Variants in POGZ observed in about 807,000 individuals in gnomAD.
POGZ encodes the protein pogo transposable element derived with ZNF domain.
Under a neutral mutation model 134.6 loss-of-function variants are expected in POGZ, and 17 were observed. The ratio of observed to expected loss-of-function variants is 0.13; its 90% confidence interval spans 0.09 to 0.19. The LOEUF is 0.19. Ranked by LOEUF, POGZ falls within the 10% of genes least tolerant of loss-of-function variation. POGZ has a pLI of 1.00. For missense variants in POGZ, 1,306 were observed against 1,769.7 expected (o/e 0.74, Z 4.70); for synonymous variants, 693 against 657.1 (o/e 1.05, Z -0.84).
At chr1:151,431,161 A>G (rs1263246111) in intron 3 of POGZ, among the ~76,000 whole-genome samples, 1 of 152,148 alleles carries the variant, frequency 6.6e-6, no homozygotes, top group East Asian at 1.9e-4. Flanking sequence ...CAAACTCACC[A>G]AAAATTTAAG....
chr1:151,433,721 A>G (rs12062127), intron 3 of POGZ, among the ~76,000 whole-genome samples: 3,150 of 152,234 alleles, frequency 0.021, 102 homozygotes, highest in African/African-American at 0.072. Context: ...CAGACTATGG[A>G]AAGTCATACT....
intron 3 of POGZ, among the ~76,000 whole-genome samples, chr1:151,435,958 CTTT>C (rs58367755): frequency 3.0e-5 from 4 of 134,804 alleles, no homozygotes; most frequent in Admixed American, 7.7e-5. Context: ...ATTTTCTTTT[CTTT>C]TTTTTTTTTT....
At chr1:151,423,883 A>C in intron 9 of POGZ, 66 bp downstream of exon 9, 1 of 1,290,388 alleles carries the variant, frequency 7.7e-7, no homozygotes, top group Non-Finnish European at 1.1e-6. Flanking sequence ...AGAAAGACTT[A>C]AAATATATAA....
intron 1 of POGZ, among the ~76,000 whole-genome samples, chr1:151,449,337 A>C (rs1351230483): frequency 6.6e-6 from 1 of 152,170 alleles, no homozygotes; most frequent in African/African-American, 2.4e-5. Context: ...GGCATTTGGC[A>C]ATGTCTAGAG....
At chr1:151,435,810 A>G (rs1352770363) in intron 3 of POGZ, among the ~76,000 whole-genome samples, 3 of 152,074 alleles carry the variant, frequency 2.0e-5, no homozygotes, top group South Asian at 4.2e-4. Context: ...CTTTCTTAAA[A>G]ACAAAACACA....
intron 10 of POGZ, among the ~76,000 whole-genome samples, chr1:151,423,026 A>G (rs1657201301): frequency 6.6e-6 from 1 of 152,364 alleles, no homozygotes; most frequent in East Asian, 1.9e-4. Context: ...GTACTTCACA[A>G]TATTATCTTT....
At chr1:151,448,047 T>C (rs1289211379) in intron 1 of POGZ, among the ~76,000 whole-genome samples, 1 of 152,168 alleles carries the variant, frequency 6.6e-6, no homozygotes, top group Non-Finnish European at 1.5e-5. Context: ...GCTAGGGTCC[T>C]TCTTGCTCAT....
At chr1:151,455,282 G>C (rs1275851981) in intron 1 of POGZ, 1 of 152,162 alleles carries the variant, frequency 6.6e-6, no homozygotes, top group South Asian at 2.1e-4. Flanking sequence ...CAAAACAGTG[G>C]TTTAGAGAGA....
At position 151,408,756 on chromosome 1, in the gene POGZ, G is replaced by C; in HGVS notation, c.1999C>G (p.Leu667Val). Residue 667 changes from leucine (L) to valine (V), a missense_variant, in exon 13 of 19, where the codon CTT becomes GTT. Physicochemically the swap from Leu to Val is conservative, Grantham distance 32. Coordinates refer to ENST00000271715, the MANE Select transcript of POGZ (RefSeq NM_015100.4). ...LFAKDKIEHK[L>V]QHHKTFRKPK... is the part of the protein sequence containing the mutation. Reference sequence around the variant, plus strand: ...TTACGGAAGGTTTTATGGTGTTGAAGCTTGTGTTCAATTTTGTCCTTGGCA... The same window carrying C: ...TTACGGAAGGTTTTATGGTGTTGAACCTTGTGTTCAATTTTGTCCTTGGCA... The C allele has an allele frequency of 6.2e-7, 1 of 1,613,890 alleles. No individual in the cohort carries two copies. The highest frequency in any genetic ancestry group is 8.5e-7 in the Non-Finnish European group (1 of 1,179,842).
Position 151,414,057 on chromosome 1 carries a change from G to A in POGZ, c.1679-1661C>T, listed in dbSNP as rs1325891364. ...GAAACACTGTCTACAGGTACATTAG[G>A]TGCTATGAGGACATGGATAAATAAG... On this transcript the variant is annotated intron_variant, in intron 10 of 18. Coordinates refer to ENST00000271715, the MANE Select transcript of POGZ (RefSeq NM_015100.4). Among the ~76,000 whole-genome samples, 3 of 152,256 alleles carry A rather than the reference G, an allele frequency of 2.0e-5. No individual in the cohort carries two copies. In the South Asian group the frequency reaches 6.2e-4, roughly 32 times the overall value.
rs543651432 is a variant in POGZ, at chr1:151,404,394, AAAAC to A, written c.*404_*407del. Reference sequence around the variant, plus strand: ...TGCCCAAAGACATTGGCCACACAATAAAACAAACAAAAAAACCCAGTACTATGAT... The same window carrying A: ...TGCCCAAAGACATTGGCCACACAATAAAACAAAAAAACCCAGTACTATGAT... On this transcript the variant is annotated 3_prime_UTR_variant, in exon 19 of 19. Transcript: ENST00000271715. 2.5e-5 allele frequency: 25 copies of A among 991,784 alleles called. No homozygotes were observed. The highest frequency in any genetic ancestry group is 9.1e-5 in the South Asian group (2 of 22,008). 61.4% of individuals were successfully genotyped at this position (991,784 alleles called of 1,614,324 possible). A position where few individuals can be genotyped will look rare whatever the true frequency, so the allele number is the denominator to read the frequency against.
rs1658557742 is a variant in POGZ, at chr1:151,430,837, G to A, written c.288C>T (p.Gly96=). 6.4e-7 allele frequency: 1 copy of A among 1,555,180 alleles called. No homozygotes were observed. ...LVTLIANNNA[G]NPLVQQGGQP... is the part of the protein sequence containing the mutation. The stretch of plus-strand genomic sequence containing the variant: ...GTCCACCTTGCTGGACCAAAGGATT[G>A]CCAGCTAAAGGGTAAAGGAAGAAAA... Residue 96 remains glycine (G), a synonymous_variant, in exon 4 of 19, where the codon GGC becomes GGT. Transcript: ENST00000271715.
In POGZ at chr1:151,408,156, G is replaced by A. The variant is rs754460188; in HGVS notation, c.2319C>T (p.Cys773=). 2.5e-6 allele frequency: 4 copies of A among 1,612,642 alleles called. No homozygotes were observed. The highest frequency in any genetic ancestry group is 2.2e-5 in the South Asian group (2 of 91,044). ...AGCAGGTGCTATAGCGACACAGAGA[G>A]CAGTGTACGTAAGTAGGGAAATGAT... ...FPNHFPTYVH[C]SLCRYSTCCS... Residue 773 remains cysteine, a synonymous_variant, in exon 15 of 19, where the codon TGC becomes TGT. Coordinates refer to ENST00000271715, the MANE Select transcript of POGZ (RefSeq NM_015100.4).
At position 151,440,993 on chromosome 1, in the gene POGZ, C is replaced by T. The variant is rs369588786; in HGVS notation, c.218G>A (p.Ser73Asn). 1.2e-6 allele frequency: 2 copies of T among 1,613,984 alleles called. No individual in the cohort carries two copies. Residue 73 changes from serine (S) to asparagine (N), a missense_variant, in exon 3 of 19, where the codon AGC becomes AAC. Transcript: ENST00000271715. ...ACTGTCGCTGTTCTGTGCCCCGCTG[C>T]TACTAACGGTGGTGGATGTAGAGAG... Reference protein sequence around the residue: ...GHLSTSTTVSSSGAQNSDSTK... With the variant: ...GHLSTSTTVSNSGAQNSDSTK...
At position 151,411,743 on chromosome 1, in the gene POGZ, G is replaced by C. The variant is rs753941954; in HGVS notation, c.1808C>G (p.Ser603Cys). The change falls in exon 12 of 19, where the codon TCT becomes TGT. Residue 603 changes from serine to cysteine, a missense_variant. This residue lies in a region of POGZ where 149 missense variants were observed against 237.5 expected (regional missense o/e 0.63). Coordinates refer to ENST00000271715, the MANE Select transcript of POGZ (RefSeq NM_015100.4). ...CATCCGAAAATGGACATCTACCTCA[G>C]AGTAGAGTGAGGAGCGATATTGACA... ...QVCQYRSSLY[S>C]EVDVHFRMIH... The C allele has an allele frequency of 8.7e-6, 14 of 1,612,488 alleles. No individual in the cohort carries two copies. In the East Asian group the frequency reaches 2.5e-4, roughly 28 times the overall value.
At chr1:151,445,032 G>A (rs541968547) in intron 1 of POGZ, among the ~76,000 whole-genome samples, 1 of 151,188 alleles carries the variant, frequency 6.6e-6, no homozygotes, top group Non-Finnish European at 1.5e-5. Context: ...TGGAGAGCTG[G>A]AGAGCAATAC....
At chr1:151,445,321 A>T (rs546472030) in intron 1 of POGZ, among the ~76,000 whole-genome samples, 75 of 152,246 alleles carry the variant, frequency 4.9e-4, no homozygotes, top group African/African-American at 1.7e-3. Context: ...CAGGAGTTCC[A>T]GACCAGCCTG....
At chr1:151,436,530 G>A (rs554092303) in intron 3 of POGZ, among the ~76,000 whole-genome samples, 3 of 151,880 alleles carry the variant, frequency 2.0e-5, no homozygotes, top group African/African-American at 4.8e-5. Flanking sequence ...AGCAACCTCC[G>A]CCTCCCGAGT....
chr1:151,430,933 A>G (rs1658588799), intron 3 of POGZ, 92 bp from the exon 4 acceptor site: 25 of 684,492 alleles, frequency 3.7e-5, no homozygotes, highest in Non-Finnish European at 4.7e-5. Context: ...ATTTTATTTT[A>G]TTTTATTTTA....
Sources: gnomAD v4.1 joint callset for allele counts (sites outside exome capture counted in the v4.1 genomes callset) on GRCh38, gnomAD v4.1.1 for gene constraint, gnomAD v4.1.1 regional missense constraint, MANE v1.5 for transcripts, NCBI Gene and HGNC (gene_info 2026-07-23, HGNC 2026-07-21) for gene names.